The following C1orf167 variants were observed in gnomAD, a reference collection of about 807,000 sequenced individuals.
C1orf167 encodes chromosome 1 open reading frame 167, also known as uncharacterized protein C1orf167.
C1orf167 carries 153 observed loss-of-function variants against 176.5 expected under a neutral mutation model. The observed-to-expected ratio is 0.87, with a 90% CI of 0.76 to 0.99. The LOEUF (loss-of-function observed/expected upper bound fraction) is 0.99. C1orf167 is among the 50% of genes least tolerant of loss of function. The pLI, the probability that C1orf167 is intolerant of heterozygous loss-of-function variation, is 0.00. For synonymous variants in C1orf167, 594 were observed against 752.7 expected (o/e 0.79, Z 3.45); for missense variants, 1,490 against 1,817.7 (o/e 0.82, Z 3.28).
chr1:11,776,384 T>C (rs6699669), intron 9 of C1orf167, 80 bp from the exon 10 acceptor site: 1,190,231 of 1,205,030 alleles, frequency 0.99, 589,161 homozygotes, highest in East Asian at 1. Context: ...AAGAGGGGCC[T>C]GAGGCAGCAG....
At chr1:11,765,115 G>A (rs1344702116) in intron 2 of C1orf167, among the ~76,000 whole-genome samples, 1 of 149,334 alleles carries the variant, frequency 6.7e-6, no homozygotes, top group Admixed American at 6.6e-5. Context: ...AAGGGGAGCA[G>A]CCCAAGAACA....
chr1:11,788,815 C>T, intron 20 of C1orf167, 69 bp downstream of exon 20: 2 of 1,257,926 alleles, frequency 1.6e-6, no homozygotes, highest in Non-Finnish European at 2.1e-6. Flanking sequence ...AAGTCTGTGC[C>T]ACAGCCACGC....
Position 11,789,584 on chromosome 1 carries a change from T to G in C1orf167, c.*138T>G. On this transcript the variant is annotated 3_prime_UTR_variant, in exon 21 of 21. Coordinates refer to ENST00000688073, the MANE Select transcript of C1orf167 (RefSeq NM_001010881.2). ...GACAATAAAACCCACTCCTCAGTCC[T>G]AGCTGCTGCTTTCAGTCTCTCCTAG... 1 of 787,454 alleles carries G rather than the reference T, an allele frequency of 1.3e-6. No homozygotes were observed. The highest frequency in any genetic ancestry group is 1.8e-6 in the Non-Finnish European group (1 of 560,580). 48.8% of individuals were successfully genotyped at this position (787,454 alleles called of 1,614,324 possible).
Position 11,788,323 on chromosome 1 carries a change from T to TGGCATGGCAGC in C1orf167, c.4024_4034dup (p.Leu1346AlafsTer113), listed in dbSNP as rs1337013014. On this transcript the variant is annotated frameshift_variant, in exon 19 of 21. Transcript: ENST00000688073. LOFTEE classifies it high-confidence loss of function. ...TCCCAGCAGGCCAGGTGCCTGGCAG[T>TGGCATGGCAGC]GGCATGGCAGCACTGGGTGGATGCC... 11 of 1,302,156 alleles carry TGGCATGGCAGC rather than the reference T, an allele frequency of 8.4e-6. No homozygotes were observed. In the African/African-American group the frequency reaches 1.7e-4, roughly 20 times the overall value. The allele number at this position is 1,302,156 out of a possible 1,614,324, so 80.7% of individuals were successfully genotyped here. A position where few individuals can be genotyped will look rare whatever the true frequency, so the allele number is the denominator to read the frequency against.
chr1:11,783,999 AG>A (rs1407493071), intron 14 of C1orf167, among the ~76,000 whole-genome samples, 174 bp from the exon 15 acceptor site: 1 of 152,076 alleles, frequency 6.6e-6, no homozygotes, highest in Non-Finnish European at 1.5e-5. Context: ...CTGGGATTAC[AG>A]GTGCCCACTA....
At chr1:11,780,306 C>A (rs1001578802) in intron 13 of C1orf167, among the ~76,000 whole-genome samples, 1 of 152,234 alleles carries the variant, frequency 6.6e-6, no homozygotes, top group African/African-American at 2.4e-5. Context: ...AGAAAACAGG[C>A]TGACCAACTC....
chr1:11,766,475 A>G lies in C1orf167; in HGVS notation c.689A>G (p.Gln230Arg). The G allele has an allele frequency of 7.8e-7, 1 of 1,286,560 alleles. No homozygotes were observed. The highest frequency in any genetic ancestry group is 1.0e-6 in the Non-Finnish European group (1 of 987,136). 79.7% of individuals were successfully genotyped at this position (1,286,560 alleles called of 1,614,324 possible). Residue 230 changes from glutamine (Q) to arginine (R), a missense_variant, in exon 3 of 21, where the codon CAG becomes CGG. Transcript: ENST00000688073. The surrounding 1 kb of genome is among the most constrained non-coding windows in gnomAD (Gnocchi z 4.5). ...DLAVPSQNQT[Q>R]APSRAAVHQL... ...GCTGTCCCCAGTCAGAACCAGACTC[A>G]GGCCCCATCCCGTGCTGCCGTCCAC...
chr1:11,783,198 A>G (rs1643674856), intron 14 of C1orf167, among the ~76,000 whole-genome samples: 1 of 152,102 alleles, frequency 6.6e-6, no homozygotes. Context: ...TGGCTACAGA[A>G]TGGCTGACGT....
chr1:11,766,393 G>T lies in C1orf167; in HGVS notation c.607G>T (p.Gly203Cys). ...HTQPGLRSWG[G>C]LGSWRSRLVG... is the part of the protein sequence containing the mutation. ...ACAGCCAGGCCTCAGATCCTGGGGT[G>T]GTCTGGGGAGCTGGAGGTCCAGGCT... Residue 203 changes from glycine (G) to cysteine (C), a missense_variant, in exon 3 of 21, where the codon GGT becomes TGT. Physicochemically the swap from Gly to Cys is radical, Grantham distance 159. Transcript: ENST00000688073. The surrounding 1 kb of genome is among the most constrained non-coding windows in gnomAD (Gnocchi z 4.5). 7.9e-7 allele frequency: 1 copy of T among 1,272,224 alleles called. No individual in the cohort carries two copies. The highest frequency in any genetic ancestry group is 1.3e-5 in the South Asian group (1 of 78,724). 78.8% of individuals were successfully genotyped at this position (1,272,224 alleles called of 1,614,324 possible). A position where few individuals can be genotyped will look rare whatever the true frequency, so the allele number is the denominator to read the frequency against.
intron 11 of C1orf167, 29 bp from the exon 12 acceptor site, chr1:11,778,897 G>T: frequency 7.7e-7 from 1 of 1,299,844 alleles, no homozygotes; most frequent in Non-Finnish European, 1.0e-6. Context: ...CAGGGTAGGG[G>T]ACCAAGGACT....
At position 11,770,761 on chromosome 1, in the gene C1orf167, C is replaced by T. The variant is rs557309502; in HGVS notation, c.1698-763C>T. On this transcript the variant is annotated intron_variant, in intron 6 of 20. Transcript: ENST00000688073. The stretch of plus-strand genomic sequence containing the variant: ...ATAGACGTGAGCCACTGCGCCCGGC[C>T]TCTGGTTATTTTTTTCTTTATTTCC... Among the ~76,000 whole-genome samples, 115 of 151,262 alleles carry T rather than the reference C, an allele frequency of 7.6e-4. 1 individual carries two copies. Among genetic ancestry groups the T allele is most frequent in the Middle Eastern group, 3.4e-3 (1 of 294 alleles).
In C1orf167 at chr1:11,785,293, C is replaced by G. The variant is rs1279174463; in HGVS notation, c.3567+4C>G. The G allele has an allele frequency of 1.6e-6, 2 of 1,282,392 alleles. No individual in the cohort carries two copies. Among genetic ancestry groups the G allele is most frequent in the African/African-American group, 1.5e-5 (1 of 65,652 alleles). The allele number at this position is 1,282,392 out of a possible 1,614,324, so 79.4% of individuals were successfully genotyped here. Reference sequence around the variant, plus strand: ...GGGACTGCCAGGGGCCGGCAAGGTACGCCCCAAGCCCCAGACTGACCTCAC... The same window carrying G: ...GGGACTGCCAGGGGCCGGCAAGGTAGGCCCCAAGCCCCAGACTGACCTCAC... On this transcript the variant is annotated splice_donor_region_variant and intron_variant, in intron 16 of 20. Transcript: ENST00000688073.
In C1orf167 at chr1:11,776,578, TGGCCCTCTGCTGG is replaced by T; in HGVS notation, c.2281_2293del (p.Ala761ArgfsTer31). 8.1e-7 allele frequency: 1 copy of T among 1,239,534 alleles called. No individual in the cohort carries two copies. Among genetic ancestry groups the T allele is most frequent in the Non-Finnish European group, 1.0e-6 (1 of 958,184 alleles). 76.8% of individuals were successfully genotyped at this position (1,239,534 alleles called of 1,614,324 possible). ...TCCCTGCAGGATGCCTGCTGGACACTGGCCCTCTGCTGGGCGCTGCTGCTGTGGAAGATGCGGC... is the reference window on the plus strand; with the variant it reads ...TCCCTGCAGGATGCCTGCTGGACACTGCGCTGCTGCTGTGGAAGATGCGGC... On this transcript the variant is annotated frameshift_variant, in exon 10 of 21. Coordinates refer to ENST00000688073, the MANE Select transcript of C1orf167 (RefSeq NM_001010881.2). LOFTEE classifies it high-confidence loss of function.
chr1:11,774,660 T>C, intron 8 of C1orf167, among the ~76,000 whole-genome samples: 1 of 151,960 alleles, frequency 6.6e-6, no homozygotes, highest in East Asian at 1.9e-4. Flanking sequence ...TAGTACAGGG[T>C]AGGGGGGCTG....
At position 11,767,227 on chromosome 1, in the gene C1orf167, G is replaced by T; in HGVS notation, c.1306G>T (p.Ala436Ser). 7.8e-7 allele frequency: 1 copy of T among 1,289,714 alleles called. No individual in the cohort carries two copies. Among genetic ancestry groups the T allele is most frequent in the Non-Finnish European group, 1.0e-6 (1 of 988,834 alleles). The allele number at this position is 1,289,714 out of a possible 1,614,324, so 79.9% of individuals were successfully genotyped here. The stretch of plus-strand genomic sequence containing the variant: ...TGTACTCTTGCTTTCCCAGAACAAG[G>T]CACAAAACATCACAGCCCCAGAGTC... ...VPASSASKNK[A>S]QNITAPESEA... The change falls in exon 4 of 21, where the codon GCA becomes TCA. Residue 436 changes from alanine to serine, a missense_variant. Ala to Ser is a moderately conservative substitution (Grantham distance 99, BLOSUM62 1). Coordinates refer to ENST00000688073, the MANE Select transcript of C1orf167 (RefSeq NM_001010881.2).
intron 1 of C1orf167, among the ~76,000 whole-genome samples, chr1:11,763,163 G>A (rs1052345987): frequency 1.3e-5 from 2 of 152,198 alleles, no homozygotes. Flanking sequence ...TGCGGGGCTG[G>A]GTGTGGTGGC....
At chr1:11,789,107 T>G in intron 20 of C1orf167, 163 bp from the exon 21 acceptor site, 4 of 589,378 alleles carry the variant, frequency 6.8e-6, no homozygotes, top group Non-Finnish European at 1.1e-5. Context: ...AGATCTATTC[T>G]GAGCTTGTGC....
chr1:11,770,310 C>G (rs1642991098), intron 6 of C1orf167, among the ~76,000 whole-genome samples: 1 of 151,512 alleles, frequency 6.6e-6, no homozygotes, highest in Admixed American at 6.6e-5. Flanking sequence ...GAACTGTACA[C>G]TTAAAAATGG....
chr1:11,773,127 A>G (rs1321372794), intron 8 of C1orf167, among the ~76,000 whole-genome samples: 1 of 151,332 alleles, frequency 6.6e-6, no homozygotes, highest in Non-Finnish European at 1.5e-5. Flanking sequence ...TCCTGACCTC[A>G]GGTGATCCAC....
Sources: gnomAD v4.1 joint callset for allele counts (sites outside exome capture counted in the v4.1 genomes callset) on GRCh38, gnomAD v4.1.1 for gene constraint, Gnocchi (gnomAD v3.1) non-coding constraint, MANE v1.5 for transcripts, NCBI Gene and HGNC (gene_info 2026-07-23, HGNC 2026-07-21) for gene names.